DMD: variants seen among roughly 807,000 people sequenced by gnomAD.
DMD encodes the protein mutant dystrophin.
Under a neutral mutation model 330.1 loss-of-function variants are expected in DMD, and 63 were observed. The ratio of observed to expected loss-of-function variants is 0.19; its 90% CI spans 0.16 to 0.24. The LOEUF (loss-of-function observed/expected upper bound fraction) is 0.24, where lower values mean the gene tolerates loss of function less well. Among genes scored for constraint, DMD ranks in the 10% least tolerant of loss-of-function variants. The pLI, the probability that DMD is intolerant of heterozygous loss-of-function variation, is 1.00. For missense variants in DMD, 3,344 were observed against 2,684.1 expected, an observed-to-expected ratio of 1.25 and a Z score of -5.43; for synonymous variants, 1,223 against 959.8, an observed-to-expected ratio of 1.27 and a Z score of -5.07.
chrX:32,030,347 C>A (rs2095874309), intron 44 of DMD, among the ~76,000 whole-genome samples: 1 of 112,111 alleles, frequency 8.9e-6, no homozygotes, highest in Admixed American at 9.5e-5. Context: ...CTCCTCCATT[C>A]ATTATATTTA....
chrX:32,856,435 A>G (rs1424722155), intron 2 of DMD, among the ~76,000 whole-genome samples: 1 of 112,084 alleles, frequency 8.9e-6, no homozygotes, highest in Admixed American at 9.5e-5. Flanking sequence ...ATGAATGGAT[A>G]AAGAAAATGT....
intron 52 of DMD, among the ~76,000 whole-genome samples, chrX:31,721,275 T>A (rs2085452944): frequency 9.0e-6 from 1 of 111,493 alleles, no homozygotes; most frequent in Non-Finnish European, 1.9e-5. Flanking sequence ...GGTTCCCAGT[T>A]GTTTGGTCAA....
At chrX:31,655,509 G>T (rs1603441312) in intron 54 of DMD, among the ~76,000 whole-genome samples, 1 of 111,126 alleles carries the variant, frequency 9.0e-6, no homozygotes, top group East Asian at 2.8e-4. Flanking sequence ...CAAGAATTTT[G>T]GGGAAAAGGG....
chrX:32,168,858 C>A (rs1294838071), intron 44 of DMD, among the ~76,000 whole-genome samples: 1 of 111,848 alleles, frequency 8.9e-6, no homozygotes, highest in Non-Finnish European at 1.9e-5. Flanking sequence ...ACATAAATTA[C>A]ACAAAATATG....
chrX:32,724,920 C>G (rs950491061), intron 7 of DMD, among the ~76,000 whole-genome samples: 63 of 111,636 alleles, frequency 5.6e-4, no homozygotes, highest in African/African-American at 2.0e-3. Flanking sequence ...GCTACCAAAA[C>G]CAGAGTTGTG....
intron 44 of DMD, among the ~76,000 whole-genome samples, chrX:32,190,550 T>TTATATATATATATATATATATATATCTA (rs2096969522): frequency 1.6e-5 from 1 of 62,534 alleles, no homozygotes; most frequent in Non-Finnish European, 2.8e-5. Context: ...ATTTAAAATT[T>TTATATATATATATATATATATATATCTA]TATATATATA....
intron 28 of DMD, among the ~76,000 whole-genome samples, chrX:32,440,940 T>C (rs779366612): frequency 1.8e-5 from 2 of 111,225 alleles, no homozygotes; most frequent in African/African-American, 6.5e-5. Flanking sequence ...TATGTAGAAC[T>C]TAGTGATATA....
intron 47 of DMD, among the ~76,000 whole-genome samples, chrX:31,910,395 G>T (rs771231563): frequency 8.9e-6 from 1 of 111,966 alleles, no homozygotes; most frequent in African/African-American, 3.2e-5. Context: ...GAATACAGTC[G>T]ATACACAGTA....
intron 7 of DMD, among the ~76,000 whole-genome samples, chrX:32,710,254 GA>G (rs544256391): frequency 2.0e-4 from 21 of 104,580 alleles, no homozygotes; most frequent in Admixed American, 3.1e-4. Context: ...GATTAAAGTG[GA>G]AAAAAAAAAG....
intron 55 of DMD, among the ~76,000 whole-genome samples, chrX:31,616,739 G>T (rs1197693479): frequency 2.7e-5 from 3 of 111,898 alleles, no homozygotes; most frequent in African/African-American, 6.5e-5. Flanking sequence ...AAGTTGGATT[G>T]GAGCCACTGG....
chrX:32,933,095 G>A (rs992794513), intron 2 of DMD, among the ~76,000 whole-genome samples: 11 of 111,391 alleles, frequency 9.9e-5, no homozygotes, highest in Non-Finnish European at 1.1e-4. Context: ...AGAAAACATG[G>A]TTTATGAAAG....
intron 63 of DMD, among the ~76,000 whole-genome samples, chrX:31,233,625 G>A (rs1186038811): frequency 8.9e-6 from 1 of 111,811 alleles, no homozygotes; most frequent in Non-Finnish European, 1.9e-5. Context: ...TTTTAATGAT[G>A]AAAATAAATA....
At chrX:33,043,220 C>A (rs148248117) in intron 1 of DMD, among the ~76,000 whole-genome samples, 4,857 of 111,418 alleles carry the variant, frequency 0.044, 276 homozygotes, top group African/African-American at 0.15. Flanking sequence ...CAGAGTAACA[C>A]GGGTGACAAA....
At chrX:32,675,504 C>T (rs2061908416) in intron 9 of DMD, among the ~76,000 whole-genome samples, 1 of 111,469 alleles carries the variant, frequency 9.0e-6, no homozygotes, top group Non-Finnish European at 1.9e-5. Flanking sequence ...TTCTGGTTGC[C>T]TGATTTATAA....
intron 42 of DMD, among the ~76,000 whole-genome samples, chrX:32,300,325 G>A (rs1037354198): frequency 2.7e-5 from 3 of 111,547 alleles, no homozygotes; most frequent in Non-Finnish European, 5.7e-5. Context: ...ATTAGCTGTT[G>A]AACAGTGGAA....
At chrX:31,339,359 G>A (rs1372497192) in intron 61 of DMD, among the ~76,000 whole-genome samples, 2 of 111,373 alleles carry the variant, frequency 1.8e-5, no homozygotes, top group African/African-American at 6.5e-5. Context: ...CATTGGAAAG[G>A]CTGTCTTTGA....
chrX:31,791,831 C>A (rs57122302), intron 50 of DMD, among the ~76,000 whole-genome samples: 56 of 111,772 alleles, frequency 5.0e-4, no homozygotes, highest in African/African-American at 1.8e-3. Context: ...ATGTTGATTT[C>A]AGTCTTACAT....
intron 60 of DMD, among the ~76,000 whole-genome samples, chrX:31,362,950 A>AAAAAAC (rs935196809): frequency 2.7e-5 from 3 of 112,328 alleles, no homozygotes; most frequent in Admixed American, 9.4e-5. Flanking sequence ...ACACCGTCTC[A>AAAAAAC]AAAAACAAAA....
chrX:32,832,807 T>C (rs767572716), intron 4 of DMD, among the ~76,000 whole-genome samples: 97 of 111,756 alleles, frequency 8.7e-4, no homozygotes, highest in African/African-American at 3.1e-3. Flanking sequence ...TATTAAATCA[T>C]AAATACGTCG....
Sources: allele counts gnomAD v4.1 joint callset (sites outside exome capture counted in the v4.1 genomes callset), GRCh38; gene constraint gnomAD v4.1.1; transcripts MANE v1.5; gene names NCBI Gene and HGNC (gene_info 2026-07-23, HGNC 2026-07-21).